The following ADK variants were observed in gnomAD, a reference collection of about 807,000 sequenced individuals.
The protein encoded by ADK is N6,N6-dimethyladenosine kinase.
In ADK, 24 loss-of-function variants were observed where a neutral mutation model predicts 44.7. That is an observed-to-expected ratio of 0.54 (90% CI 0.39 to 0.76). The LOEUF is 0.76. Among genes scored for constraint, ADK ranks in the 30% least tolerant of loss-of-function variants. The probability of loss-of-function intolerance (pLI) is 0.00; values close to 1 mark genes in which losing one functional copy is unlikely to be tolerated. For missense variants in ADK, 321 were observed against 425.1 expected (o/e 0.76, Z 2.15); for synonymous variants, 128 against 142.6 (o/e 0.90, Z 0.73).
In ADK at chr10:74,593,466, T is replaced by A. The variant is rs577335048; in HGVS notation, c.762+4149T>A. ...GAATGACCCTAAAAATATGAATATC[T>A]AGCAATGACAAAAAAAAAGCGACAC... is the stretch of plus-strand genomic sequence containing the variant. On this transcript the variant is annotated intron_variant, in intron 8 of 10. Transcript: ENST00000539909. 6.1e-4 allele frequency among the ~76,000 whole-genome samples: 88 copies of A among 143,528 alleles called. 2 individuals are homozygous for A. The South Asian group carries it at 0.022, about 36-fold the overall frequency. 94.2% of individuals were successfully genotyped at this position (143,528 alleles called of 152,430 possible).
chr10:74,326,537 G>A (rs888774267), intron 4 of ADK, among the ~76,000 whole-genome samples: 2 of 152,066 alleles, frequency 1.3e-5, no homozygotes, highest in African/African-American at 4.8e-5. Flanking sequence ...CTTGAGCTTA[G>A]GAGGTGGAGG....
intron 9 of ADK, among the ~76,000 whole-genome samples, chr10:74,616,865 T>G (rs1852779550): frequency 6.6e-6 from 1 of 152,160 alleles, no homozygotes; most frequent in South Asian, 2.1e-4. Flanking sequence ...TTTCCTCTAT[T>G]TATGCAGTCT....
At chr10:74,314,051 T>C (rs945631842) in intron 3 of ADK, among the ~76,000 whole-genome samples, 1 of 152,102 alleles carries the variant, frequency 6.6e-6, no homozygotes, top group African/African-American at 2.4e-5. Flanking sequence ...TTGTGGCATC[T>C]TTCTTTCCTT....
chr10:74,461,349 A>T (rs1846166553), intron 6 of ADK, among the ~76,000 whole-genome samples: 1 of 152,202 alleles, frequency 6.6e-6, no homozygotes, highest in Admixed American at 6.5e-5. Flanking sequence ...TGTGTAGCCT[A>T]ATACTGTTAT....
chr10:74,606,688 G>C (rs1852334751), intron 9 of ADK, among the ~76,000 whole-genome samples: 1 of 152,158 alleles, frequency 6.6e-6, no homozygotes, highest in African/African-American at 2.4e-5. Flanking sequence ...GCGTGATGTG[G>C]TGCTGAGAAG....
chr10:74,565,455 T>A (rs1301290704), intron 7 of ADK, among the ~76,000 whole-genome samples: 2 of 152,186 alleles, frequency 1.3e-5, no homozygotes, highest in Non-Finnish European at 2.9e-5. Flanking sequence ...TAGCTGGGCA[T>A]GGTGGCTGAC....
At chr10:74,555,638 T>G (rs16931511) in intron 7 of ADK, among the ~76,000 whole-genome samples, 7,215 of 151,594 alleles carry the variant, frequency 0.048, 523 homozygotes, top group African/African-American at 0.15. Flanking sequence ...TCTAAGTGGC[T>G]TCATACAGAA....
At chr10:74,519,625 C>G (rs184713841) in intron 6 of ADK, among the ~76,000 whole-genome samples, 3 of 152,038 alleles carry the variant, frequency 2.0e-5, no homozygotes, top group Non-Finnish European at 2.9e-5. Flanking sequence ...ATTACTGGGT[C>G]AAAGAGTATA....
intron 4 of ADK, among the ~76,000 whole-genome samples, chr10:74,342,603 G>T (rs1376187883): frequency 2.6e-5 from 4 of 152,090 alleles, no homozygotes; most frequent in African/African-American, 9.7e-5. Context: ...CTCCCAAGTA[G>T]CTGAGACCAC....
At chr10:74,280,706 A>G (rs1020636816) in intron 3 of ADK, among the ~76,000 whole-genome samples, 1 of 152,166 alleles carries the variant, frequency 6.6e-6, no homozygotes, top group African/African-American at 2.4e-5. Context: ...TCTTGGGTCT[A>G]TTGAGTTGAT....
At chr10:74,313,006 A>G (rs1241703493) in intron 3 of ADK, among the ~76,000 whole-genome samples, 1 of 150,688 alleles carries the variant, frequency 6.6e-6, no homozygotes, top group Non-Finnish European at 1.5e-5. Context: ...TAATTAACAA[A>G]CTTATACAAT....
Position 74,394,249 on chromosome 10 carries a change from C to T in ADK, c.382C>T (p.His128Tyr), listed in dbSNP as rs751144114. ...AGCTGCTGAAGCCCATGTGGATGCT[C>T]ATTACTACGAGCAGAATGAGCAGCC... ...RKAAEAHVDA[H>Y]YYEQNEQPTG... is the part of the protein sequence containing the mutation. Residue 128 changes from histidine to tyrosine, a missense_variant, in exon 5 of 11, where the codon CAT (histidine) becomes TAT (tyrosine). Transcript: ENST00000539909. 6.2e-7 allele frequency: 1 copy of T among 1,613,988 alleles called. No individual in the cohort carries two copies. Among genetic ancestry groups the T allele is most frequent in the South Asian group, 1.1e-5 (1 of 91,074 alleles).
Position 74,164,691 on chromosome 10 carries a change from A to T in ADK, c.65+13348A>T, listed in dbSNP as rs528676639. ...TACATTTCTAGACTTATACTCGTAG[A>T]TTCTTATCTTTGCCTAGTTTCCTCT... On this transcript the variant is annotated intron_variant, in intron 1 of 10. Coordinates refer to ENST00000539909, the MANE Select transcript of ADK (RefSeq NM_006721.4). Among the ~76,000 whole-genome samples, 4 of 152,238 alleles carry T rather than the reference A, an allele frequency of 2.6e-5. No individual in the cohort carries two copies. In the South Asian group the frequency reaches 6.2e-4, roughly 24 times the overall value.
intron 7 of ADK, among the ~76,000 whole-genome samples, chr10:74,532,509 GC>G (rs1219827005): frequency 1.4e-5 from 2 of 148,126 alleles, no homozygotes; most frequent in African/African-American, 2.5e-5. Flanking sequence ...AATAGTAGAA[GC>G]ATGAAAAAAT....
At chr10:74,292,621 A>G (rs73286238) in intron 3 of ADK, among the ~76,000 whole-genome samples, 4,078 of 152,262 alleles carry the variant, frequency 0.027, 167 homozygotes, top group African/African-American at 0.081. Context: ...ACTTGATGGC[A>G]GTTTTATCCT....
chr10:74,310,942 T>A (rs911863602), intron 3 of ADK, among the ~76,000 whole-genome samples: 2 of 152,188 alleles, frequency 1.3e-5, no homozygotes, highest in Non-Finnish European at 2.9e-5. Flanking sequence ...TGTTTTTTAT[T>A]CAGCTTTGTT....
chr10:74,527,010 TA>T (rs1291452012), intron 7 of ADK, among the ~76,000 whole-genome samples: 2 of 152,166 alleles, frequency 1.3e-5, no homozygotes, highest in African/African-American at 2.4e-5. Flanking sequence ...TGGCAGCACT[TA>T]AATAAGTTCT....
At chr10:74,349,675 A>G (rs1047997345) in intron 4 of ADK, among the ~76,000 whole-genome samples, 1 of 152,192 alleles carries the variant, frequency 6.6e-6, no homozygotes, top group Non-Finnish European at 1.5e-5. Context: ...GACCCATCTC[A>G]CTTGCAAAGA....
chr10:74,405,886 T>C (rs933514458), intron 6 of ADK, among the ~76,000 whole-genome samples: 1 of 152,160 alleles, frequency 6.6e-6, no homozygotes, highest in Non-Finnish European at 1.5e-5. Context: ...CTTAATACTT[T>C]TGGATGTTTC....
Sources: allele counts gnomAD v4.1 joint callset (sites outside exome capture counted in the v4.1 genomes callset), GRCh38; gene constraint gnomAD v4.1.1; transcripts MANE v1.5; gene names NCBI Gene and HGNC (gene_info 2026-07-23, HGNC 2026-07-21).